CLDN16: variants seen among roughly 807,000 people sequenced by gnomAD.
CLDN16 encodes the protein claudin 16.
CLDN16 carries 13 observed loss-of-function variants against 24.6 expected under a neutral mutation model. The observed-to-expected ratio is 0.53, with a 90% CI of 0.34 to 0.84. The LOEUF is 0.84. Ranked by LOEUF, CLDN16 falls within the 40% of genes least tolerant of loss-of-function variation. The pLI is 0.01. For missense variants in CLDN16, 298 were observed against 292.7 expected (o/e 1.02, Z -0.13); for synonymous variants, 116 against 106.7 (o/e 1.09, Z -0.54).
intron 1 of CLDN16, among the ~76,000 whole-genome samples, chr3:190,367,485 T>C (rs1718047595): frequency 6.6e-6 from 1 of 151,932 alleles, no homozygotes; most frequent in Non-Finnish European, 1.5e-5. Flanking sequence ...GAAAATTCAA[T>C]ACCTGCCTGT....
intron 1 of CLDN16, among the ~76,000 whole-genome samples, chr3:190,354,232 T>G (rs957481572): frequency 2.0e-5 from 3 of 152,012 alleles, no homozygotes; most frequent in African/African-American, 4.8e-5. Flanking sequence ...ACTCAGAGGT[T>G]TCAGGAATAA....
At chr3:190,365,742 C>T (rs539916105) in intron 1 of CLDN16, among the ~76,000 whole-genome samples, 1 of 151,620 alleles carries the variant, frequency 6.6e-6, no homozygotes, top group Non-Finnish European at 1.5e-5. Context: ...TACACAGTCT[C>T]CCAGATTCGC....
At chr3:190,373,071 G>A (rs1406193071) in intron 2 of CLDN16, among the ~76,000 whole-genome samples, 3 of 151,906 alleles carry the variant, frequency 2.0e-5, no homozygotes, top group Non-Finnish European at 4.4e-5. Context: ...TACCTGCTCT[G>A]TCTCTCAGGT....
At chr3:190,350,853 C>T (rs1293927658) in intron 1 of CLDN16, among the ~76,000 whole-genome samples, 3 of 152,160 alleles carry the variant, frequency 2.0e-5, no homozygotes, top group Non-Finnish European at 4.4e-5. Flanking sequence ...TTTGCTCAAA[C>T]TTCTTTAGTC....
At chr3:190,314,113 A>G in the CLDN16 span, among the ~76,000 whole-genome samples, 2 of 152,212 alleles carry the variant, frequency 1.3e-5, no homozygotes, top group Non-Finnish European at 2.9e-5. Flanking sequence ...ATTGTTTGGA[A>G]TAATATTTCA....
At chr3:190,354,201 T>G (rs1717722526) in intron 1 of CLDN16, among the ~76,000 whole-genome samples, 1 of 151,964 alleles carries the variant, frequency 6.6e-6, no homozygotes, top group African/African-American at 2.4e-5. Context: ...GCAGAGGCAT[T>G]TTTTGGAGTA....
At chr3:190,341,546 A>G (rs1717434912) in intron 1 of CLDN16, among the ~76,000 whole-genome samples, 1 of 151,564 alleles carries the variant, frequency 6.6e-6, no homozygotes, top group Non-Finnish European at 1.5e-5. Context: ...CCACTAAACA[A>G]TTTTTTTCCT....
At chr3:190,392,719 G>T (rs749692112) in intron 1 of CLDN16, among the ~76,000 whole-genome samples, 3 of 152,174 alleles carry the variant, frequency 2.0e-5, no homozygotes, top group Non-Finnish European at 4.4e-5. Context: ...TCAGGAAATG[G>T]CAGGAACTGA....
the CLDN16 span, among the ~76,000 whole-genome samples, chr3:190,300,741 T>A: frequency 1.3e-5 from 2 of 152,214 alleles, no homozygotes; most frequent in African/African-American, 2.4e-5. Context: ...ATCATGCTTT[T>A]GCAAGTCTAA....
At chr3:190,335,667 G>A (rs984974335) in intron 1 of CLDN16, among the ~76,000 whole-genome samples, 2 of 135,926 alleles carry the variant, frequency 1.5e-5, no homozygotes, top group African/African-American at 2.8e-5. Context: ...AGCCGAGATC[G>A]TGCCACTGCA....
rs10663299 is a variant in CLDN16, at chr3:190,363,554, G to GCACATA, written n.122-7339_122-7338insCACATA. 1.1e-3 allele frequency among the ~76,000 whole-genome samples: 86 copies of GCACATA among 81,348 alleles called. 4 individuals carry two copies. The East Asian group carries it at 0.015, about 15-fold the overall frequency. The allele number at this position is 81,348 out of a possible 152,430, so 53.4% of individuals were successfully genotyped here. Reference sequence around the variant, plus strand: ...CCAGTTGCTGTGCGTGTGTGTGTGTGTGTATATATATATATATATATATAT... The same window carrying GCACATA: ...CCAGTTGCTGTGCGTGTGTGTGTGTGCACATATGTATATATATATATATATATATAT... On this transcript the variant is annotated intron_variant and non_coding_transcript_variant, in intron 1 of 4. Transcript: ENST00000468220.
rs762318104 is a variant in CLDN16, at chr3:190,363,809, CCCGG to C, written n.122-7083_122-7080del. Among the ~76,000 whole-genome samples the C allele has an allele frequency of 2.6e-5, 4 of 151,492 alleles. No individual in the cohort carries two copies. In the East Asian group the frequency reaches 7.9e-4, roughly 30 times the overall value. ...ATCCGAAGATCATATTTTGCACCTA[CCCGG>C]ATAGATTCATCCTCATGTCTCTTTC... On this transcript the variant is annotated intron_variant and non_coding_transcript_variant, in intron 1 of 4. Coordinates refer to the CLDN16 transcript ENST00000468220.
rs1560091530 is a variant in CLDN16 at position 190,380,228 on chromosome 3, T to TC, written n.306+5626dup. On this transcript the variant is annotated intron_variant and non_coding_transcript_variant, in intron 3 of 4. Transcript: ENST00000468220. ...CCTTCCTTCCTCCCTTCCTTCCTTT[T>TC]CTTCCTTCCCTCCCTTCCTTCCTTC... is the stretch of plus-strand genomic sequence containing the variant. 9.0e-3 allele frequency among the ~76,000 whole-genome samples: 25 copies of TC among 2,766 alleles called. 9 individuals are homozygous for TC. Among genetic ancestry groups the TC allele is most frequent in the Non-Finnish European group, 0.011 (18 of 1,572 alleles). 1.8% of individuals were successfully genotyped at this position (2,766 alleles called of 152,430 possible).
At chr3:190,308,341 G>A in the CLDN16 span, 12 of 1,613,728 alleles carry the variant, frequency 7.4e-6, no homozygotes, top group South Asian at 7.7e-5. Flanking sequence ...TGGGTAAGAG[G>A]TTGTTTTTCG....
intron 1 of CLDN16, among the ~76,000 whole-genome samples, chr3:190,347,002 A>G (rs555836706): frequency 1.3e-5 from 2 of 152,152 alleles, no homozygotes; most frequent in Non-Finnish European, 2.9e-5. Flanking sequence ...GGAGAACACT[A>G]TTATTATTTT....
rs147267617 is a variant in CLDN16 at position 190,381,761 on chromosome 3, T to A, written n.306+7158T>A. 8.5e-5 allele frequency among the ~76,000 whole-genome samples: 13 copies of A among 152,172 alleles called. No homozygotes were observed. In the East Asian group the frequency reaches 2.5e-3, roughly 30 times the overall value. ...AGTTAAGCTAACTGGACTGGGAAGG[T>A]TGGCATGAGTGCAGTGATAAGGACT... is the stretch of plus-strand genomic sequence containing the variant. On this transcript the variant is annotated intron_variant and non_coding_transcript_variant, in intron 3 of 4. Coordinates refer to the CLDN16 transcript ENST00000468220.
intron 1 of CLDN16, among the ~76,000 whole-genome samples, chr3:190,340,489 A>T (rs79713297): frequency 0.039 from 5,954 of 152,200 alleles, 387 homozygotes; most frequent in African/African-American, 0.13. Context: ...TTACTCACTA[A>T]CATGAGAGGG....
chr3:190,376,606 A>G (rs1482392620), intron 3 of CLDN16, among the ~76,000 whole-genome samples: 1 of 151,994 alleles, frequency 6.6e-6, no homozygotes, highest in African/African-American at 2.4e-5. Flanking sequence ...TTGTAGGCAG[A>G]GGAAACAATT....
At position 190,410,077 on chromosome 3, in the gene CLDN16, T is replaced by C. The variant is rs1482602961; in HGVS notation, c.*41T>C. 5.6e-6 allele frequency: 9 copies of C among 1,606,512 alleles called. No homozygotes were observed. The East Asian group carries it at 1.3e-4, about 24-fold the overall frequency. On this transcript the variant is annotated 3_prime_UTR_variant, in exon 5 of 5. Transcript: ENST00000264734. Reference sequence around the variant, plus strand: ...GTGTGTTTGCATATGATTTAATCAATCAGTATGGTTACATTGATAAAATAG... The same window carrying C: ...GTGTGTTTGCATATGATTTAATCAACCAGTATGGTTACATTGATAAAATAG...
Sources: gnomAD v4.1 joint callset for allele counts (sites outside exome capture counted in the v4.1 genomes callset) on GRCh38, gnomAD v4.1.1 for gene constraint, MANE v1.5 for transcripts, NCBI Gene and HGNC (gene_info 2026-07-23, HGNC 2026-07-21) for gene names.